Variants in HDAC9 observed in about 807,000 individuals in gnomAD.
HDAC9 encodes MEF-2 interacting transcription repressor (MITR) protein.
Under a neutral mutation model 139.4 loss-of-function variants are expected in HDAC9, and 41 were observed. The observed-to-expected ratio is 0.29, with a 90% CI of 0.23 to 0.38. The LOEUF is 0.38. Among genes scored for constraint, HDAC9 ranks in the 10% least tolerant of loss-of-function variants. The probability of loss-of-function intolerance (pLI) is 1.00; values close to 1 mark genes in which losing one functional copy is unlikely to be tolerated. For synonymous variants in HDAC9, 517 were observed against 476.2 expected (o/e 1.09, Z -1.12); for missense variants, 1,147 against 1,297.0 (o/e 0.88, Z 1.78).
intron 12 of HDAC9, among the ~76,000 whole-genome samples, chr7:18,708,640 C>G (rs538915164): frequency 2.3e-4 from 35 of 152,126 alleles, no homozygotes; most frequent in African/African-American, 8.4e-4. Context: ...TCTACAAGTC[C>G]CAGTATTGGG....
At chr7:18,164,859 T>A (rs1787895194) in intron 2 of HDAC9, among the ~76,000 whole-genome samples, 1 of 152,230 alleles carries the variant, frequency 6.6e-6, no homozygotes, top group Admixed American at 6.5e-5. Context: ...GAGGAAAGAC[T>A]ATCTGGATAA....
At chr7:18,656,139 T>C (rs1190143589) in intron 11 of HDAC9, among the ~76,000 whole-genome samples, 2 of 151,868 alleles carry the variant, frequency 1.3e-5, no homozygotes, top group African/African-American at 2.4e-5. Context: ...TAACTACTTA[T>C]GAAATCTGAG....
intron 1 of HDAC9, among the ~76,000 whole-genome samples, chr7:18,291,395 T>A (rs1797799046): frequency 6.6e-6 from 1 of 152,040 alleles, no homozygotes. Flanking sequence ...TCTTAACCTT[T>A]CTGTGTCTCA....
chr7:18,635,409 T>C (rs1783583505), intron 8 of HDAC9, among the ~76,000 whole-genome samples: 1 of 152,020 alleles, frequency 6.6e-6, no homozygotes, highest in Non-Finnish European at 1.5e-5. Flanking sequence ...ATGAACTCTA[T>C]GTTTGAAGAA....
chr7:18,379,742 T>C (rs762973654), intron 1 of HDAC9, among the ~76,000 whole-genome samples: 2 of 152,238 alleles, frequency 1.3e-5, no homozygotes, highest in African/African-American at 2.4e-5. Context: ...TCTGACTTCA[T>C]TGTGTAGTTT....
intron 1 of HDAC9, among the ~76,000 whole-genome samples, chr7:18,349,726 TGTG>T (rs1298587651): frequency 6.6e-6 from 1 of 152,070 alleles, no homozygotes; most frequent in East Asian, 1.9e-4. Context: ...AATGTGGTGT[TGTG>T]TTTTACTTTT....
rs1252456959 is a variant in HDAC9 at position 18,996,967 on chromosome 7, C to T, written c.*905C>T. The T allele has an allele frequency of 6.6e-6, 1 of 152,156 alleles. No homozygotes were observed. Among genetic ancestry groups the T allele is most frequent in the Admixed American group, 6.6e-5 (1 of 15,262 alleles). The allele number at this position is 152,156 out of a possible 1,614,324, so 9.4% of individuals were successfully genotyped here. On this transcript the variant is annotated 3_prime_UTR_variant, in exon 26 of 26. Transcript: ENST00000686413. The stretch of plus-strand genomic sequence containing the variant: ...TGGTCTTAATTTGTTGCATATCTAT[C>T]AAGGACTTATTCACTCACCTTTCCT...
intron 16 of HDAC9, among the ~76,000 whole-genome samples, chr7:18,789,311 G>GTC (rs562617790): frequency 2.8e-4 from 32 of 112,384 alleles, no homozygotes; most frequent in African/African-American, 6.8e-4. Context: ...CACACACACA[G>GTC]TCTCTCTCTC....
In HDAC9 at chr7:18,456,301, A is replaced by T. The variant is rs145422742; in HGVS notation, c.-41-39961A>T. 9.8e-3 allele frequency among the ~76,000 whole-genome samples: 1,495 copies of T among 152,032 alleles called. 30 individuals carry two copies. The highest frequency in any genetic ancestry group is 0.034 in the African/African-American group (1,398 of 41,456). ...GCCCAGGCTGGAGTGCAGCAGTGTG[A>T]TCTCCACTCACTGCAAACTCCACCT... On this transcript the variant is annotated intron_variant, in intron 1 of 3. Coordinates refer to the HDAC9 transcript ENST00000413509.
intron 2 of HDAC9, among the ~76,000 whole-genome samples, chr7:18,562,636 C>G (rs1423201832): frequency 6.6e-6 from 1 of 152,030 alleles, no homozygotes; most frequent in East Asian, 1.9e-4. Flanking sequence ...GCCAGTACTT[C>G]TTTGTTGTAT....
chr7:18,280,548 A>T (rs1797034228), intron 2 of HDAC9, among the ~76,000 whole-genome samples: 1 of 151,632 alleles, frequency 6.6e-6, no homozygotes, highest in African/African-American at 2.4e-5. Flanking sequence ...AGATCGCTCC[A>T]TTGCACTCCA....
chr7:18,790,227 C>A lies in HDAC9; in HGVS notation c.2215-3118C>A, dbSNP rs548869728. Among the ~76,000 whole-genome samples the A allele has an allele frequency of 3.4e-4, 52 of 152,282 alleles. No homozygotes were observed. The South Asian group carries it at 0.011, about 31-fold the overall frequency. ...TATGAACAAGATTTTGGGATTTAATCTTACTATGAACTGAAGAGTGTGCCC... is the reference window on the plus strand; with the variant it reads ...TATGAACAAGATTTTGGGATTTAATATTACTATGAACTGAAGAGTGTGCCC... On this transcript the variant is annotated intron_variant, in intron 16 of 25. Transcript: ENST00000686413.
chr7:18,912,063 G>A (rs1181906065), intron 22 of HDAC9, among the ~76,000 whole-genome samples: 3 of 151,952 alleles, frequency 2.0e-5, no homozygotes, highest in Non-Finnish European at 2.9e-5. Flanking sequence ...TAGATAATCC[G>A]TTCAATGCTA....
chr7:18,574,052 G>A (rs1825192417), intron 2 of HDAC9, among the ~76,000 whole-genome samples: 2 of 152,260 alleles, frequency 1.3e-5, no homozygotes, highest in Admixed American at 1.3e-4. Flanking sequence ...GCTGGAGGCT[G>A]AGCAAAGCGA....
At chr7:18,861,380 T>C (rs1326795429) in intron 21 of HDAC9, among the ~76,000 whole-genome samples, 1 of 152,210 alleles carries the variant, frequency 6.6e-6, no homozygotes, top group African/African-American at 2.4e-5. Context: ...TCTGTTGTCA[T>C]TGTTTTATAT....
At chr7:18,445,496 G>A (rs1380072816) in intron 1 of HDAC9, among the ~76,000 whole-genome samples, 5 of 152,182 alleles carry the variant, frequency 3.3e-5, no homozygotes, top group African/African-American at 4.8e-5. Flanking sequence ...AAATATGTAG[G>A]GGCTGAGCGG....
chr7:18,936,503 C>A (rs1036393839), intron 23 of HDAC9, among the ~76,000 whole-genome samples: 2 of 152,144 alleles, frequency 1.3e-5, no homozygotes, highest in African/African-American at 2.4e-5. Context: ...TCTTTCACAT[C>A]ACATGGCTAC....
intron 1 of HDAC9, among the ~76,000 whole-genome samples, chr7:18,139,297 T>G (rs1304679372): frequency 1.3e-5 from 2 of 151,992 alleles, no homozygotes; most frequent in Non-Finnish European, 2.9e-5. Flanking sequence ...GGCTAATTTT[T>G]GTTATTTTTT....
chr7:18,429,892 T>G (rs1345639365), intron 1 of HDAC9, among the ~76,000 whole-genome samples: 1 of 152,208 alleles, frequency 6.6e-6, no homozygotes, highest in Non-Finnish European at 1.5e-5. Flanking sequence ...AGCAATTCAT[T>G]TCAGTTACAT....
Sources: allele counts gnomAD v4.1 joint callset (sites outside exome capture counted in the v4.1 genomes callset), GRCh38; gene constraint gnomAD v4.1.1; transcripts MANE v1.5; gene names NCBI Gene and HGNC (gene_info 2026-07-23, HGNC 2026-07-21).